ULK4: variants seen among roughly 807,000 people sequenced by gnomAD.
ULK4 encodes the protein inactive serine/threonine-protein kinase ULK4.
A neutral mutation model predicts 160.6 loss-of-function variants in ULK4; 133 were observed. The observed-to-expected ratio is 0.83, with a 90% CI of 0.72 to 0.96. The LOEUF (loss-of-function observed/expected upper bound fraction) is 0.96. Among genes scored for constraint, ULK4 ranks in the 40% least tolerant of loss-of-function variants. The pLI is 0.00. For synonymous variants in ULK4, 534 were observed against 539.8 expected, an observed-to-expected ratio of 0.99 and a Z score of 0.15; for missense variants, 1,580 against 1,499.5, an observed-to-expected ratio of 1.05 and a Z score of -0.89.
intron 35 of ULK4, among the ~76,000 whole-genome samples, chr3:41,340,439 T>TG (rs2080658226): frequency 1.3e-5 from 2 of 152,288 alleles, no homozygotes; most frequent in Non-Finnish European, 2.9e-5. Flanking sequence ...TGACCTTGGG[T>TG]GGGGGTCATT....
chr3:41,932,057 C>T (rs771127112), intron 4 of ULK4, 51 bp from the exon 5 acceptor site: 7 of 1,549,164 alleles, frequency 4.5e-6, no homozygotes, highest in Middle Eastern at 3.4e-4. Flanking sequence ...TTAATTTGTA[C>T]ATATATCAGT....
intron 12 of ULK4, among the ~76,000 whole-genome samples, chr3:41,903,522 C>T (rs1433590496): frequency 6.7e-6 from 1 of 149,812 alleles, no homozygotes. Flanking sequence ...GAGGCAGAGG[C>T]GCAATGAGCC....
At chr3:41,844,231 T>C (rs11917248) in intron 17 of ULK4, among the ~76,000 whole-genome samples, 47,663 of 151,706 alleles carry the variant, frequency 0.31, 11,000 homozygotes, top group African/African-American at 0.66. Context: ...CGGCGCTCGC[T>C]GGGGAGACTC....
chr3:41,857,188 G>C (rs774298483), intron 17 of ULK4, among the ~76,000 whole-genome samples: 22 of 152,106 alleles, frequency 1.4e-4, no homozygotes, highest in Non-Finnish European at 2.9e-4. Flanking sequence ...GCACAAACCT[G>C]GTTTCTGTAG....
intron 17 of ULK4, among the ~76,000 whole-genome samples, chr3:41,865,270 TTAAAAAAAAAAAAAA>T (rs1198532151): frequency 3.8e-4 from 25 of 65,624 alleles, no homozygotes; most frequent in African/African-American, 1.2e-3. Context: ...GACTCTGTCT[TTAAAAAAAAAAAAAA>T]AAAAAAAAAA....
chr3:41,392,940 G>A (rs2081985715), intron 35 of ULK4, among the ~76,000 whole-genome samples: 3 of 152,130 alleles, frequency 2.0e-5, no homozygotes, highest in Admixed American at 6.6e-5. Flanking sequence ...ACTTCTGCTC[G>A]TGTTCCTTAT....
chr3:41,874,174 C>G (rs891506570), intron 17 of ULK4, among the ~76,000 whole-genome samples: 1 of 152,032 alleles, frequency 6.6e-6, no homozygotes, highest in Non-Finnish European at 1.5e-5. Flanking sequence ...TGTAGTTGTT[C>G]TAGTAATGAA....
At chr3:41,598,076 G>A (rs1246643995) in intron 31 of ULK4, among the ~76,000 whole-genome samples, 1 of 152,140 alleles carries the variant, frequency 6.6e-6, no homozygotes, top group Non-Finnish European at 1.5e-5. Context: ...GGCCCCTTGG[G>A]GGTGAGTGGA....
intron 19 of ULK4, among the ~76,000 whole-genome samples, chr3:41,803,699 T>C (rs990261415): frequency 5.3e-5 from 8 of 152,140 alleles, no homozygotes; most frequent in East Asian, 1.9e-4. Flanking sequence ...TGTGTTCTCA[T>C]TGTTCAATTC....
At chr3:41,466,171 A>G (rs912960762) in intron 32 of ULK4, among the ~76,000 whole-genome samples, 1 of 152,220 alleles carries the variant, frequency 6.6e-6, no homozygotes, top group Non-Finnish European at 1.5e-5. Context: ...TTCATATTAT[A>G]GAATTCCTGC....
chr3:41,910,182 T>G (rs538389575), intron 11 of ULK4, among the ~76,000 whole-genome samples: 2 of 152,192 alleles, frequency 1.3e-5, no homozygotes, highest in East Asian at 3.9e-4. Flanking sequence ...AGGCGTGAGC[T>G]ACTGAGCCCG....
intron 17 of ULK4, among the ~76,000 whole-genome samples, chr3:41,871,735 T>C (rs939457110): frequency 2.0e-5 from 3 of 152,242 alleles, no homozygotes; most frequent in African/African-American, 7.2e-5. Context: ...TATGAGTCCT[T>C]CGTCAGATAT....
rs1310747779 is a variant in ULK4 at position 41,709,388 on chromosome 3, G to GGTTTT, written c.2635-4088_2635-4084dup. ...ATGGACTTTAAAATGGAGTTTGTTT[G>GGTTTT]GTTTTGTTTTGTTTTTTGAGACAGA... On this transcript the variant is annotated intron_variant, in intron 25 of 36. Coordinates refer to ENST00000301831, the MANE Select transcript of ULK4 (RefSeq NM_017886.4). Among the ~76,000 whole-genome samples, 15 of 152,042 alleles carry GGTTTT rather than the reference G, an allele frequency of 9.9e-5. No individual in the cohort carries two copies. The Middle Eastern group carries it at 0.01, about 103-fold the overall frequency.
At chr3:41,560,771 T>A (rs983146908) in intron 32 of ULK4, among the ~76,000 whole-genome samples, 11 of 152,274 alleles carry the variant, frequency 7.2e-5, no homozygotes, top group Admixed American at 5.9e-4. Flanking sequence ...GGGCTGAGAC[T>A]ATGGGGTTTT....
At chr3:41,305,784 T>C (rs192734745) in intron 35 of ULK4, among the ~76,000 whole-genome samples, 9,923 of 144,816 alleles carry the variant, frequency 0.069, 958 homozygotes, top group African/African-American at 0.21. Flanking sequence ...GGAGCACCTC[T>C]TCCCGGCCGC....
chr3:41,858,816 T>A (rs113130578), intron 17 of ULK4, among the ~76,000 whole-genome samples: 3 of 145,002 alleles, frequency 2.1e-5, no homozygotes, highest in African/African-American at 7.7e-5. Flanking sequence ...AAATTCTTTT[T>A]TCCCCCCCAT....
intron 33 of ULK4, among the ~76,000 whole-genome samples, chr3:41,459,989 G>A (rs776580138): frequency 3.9e-5 from 6 of 152,120 alleles, no homozygotes; most frequent in African/African-American, 7.2e-5. Context: ...AATCTCATCC[G>A]CATTCAACAA....
chr3:41,534,277 C>G (rs1016257904), intron 32 of ULK4, among the ~76,000 whole-genome samples: 1 of 152,176 alleles, frequency 6.6e-6, no homozygotes, highest in African/African-American at 2.4e-5. Context: ...TTAAATGCTT[C>G]TTTGGCGGTG....
chr3:41,438,279 A>T (rs2083081509), intron 34 of ULK4, among the ~76,000 whole-genome samples: 1 of 152,136 alleles, frequency 6.6e-6, no homozygotes, highest in Non-Finnish European at 1.5e-5. Flanking sequence ...CAGACCATAT[A>T]ACTTTTTTTG....
Sources: gnomAD v4.1 joint callset for allele counts (sites outside exome capture counted in the v4.1 genomes callset) on GRCh38, gnomAD v4.1.1 for gene constraint, MANE v1.5 for transcripts, NCBI Gene and HGNC (gene_info 2026-07-23, HGNC 2026-07-21) for gene names.